TENM4: variants seen among roughly 807,000 people sequenced by gnomAD.
The protein encoded by TENM4 is teneurin-4.
TENM4 carries 82 observed loss-of-function variants against 243.3 expected under a neutral mutation model. That is an observed-to-expected ratio of 0.34 (90% confidence interval 0.28 to 0.40). TENM4 has a LOEUF of 0.40. Among genes scored for constraint, TENM4 ranks in the 10% least tolerant of loss-of-function variants. The probability of loss-of-function intolerance (pLI) is 1.00; values close to 1 mark genes in which losing one functional copy is unlikely to be tolerated. For synonymous variants in TENM4, 1,412 were observed against 1,456.3 expected (o/e 0.97, Z 0.69); for missense variants, 3,138 against 3,673.3 (o/e 0.85, Z 3.77).
Position 79,159,163 on chromosome 11 carries a change from A to G in TENM4, c.-162-10357T>C, listed in dbSNP as rs114558213. The stretch of plus-strand genomic sequence containing the variant: ...AAGAGGGGGGCTCTACATGGCCCTC[A>G]TCTGTGATATGAGCAGGAAACGCAT... On this transcript the variant is annotated intron_variant, in intron 3 of 33. Transcript: ENST00000278550. 4.9e-3 allele frequency among the ~76,000 whole-genome samples: 743 copies of G among 152,264 alleles called. 3 individuals carry two copies. The highest frequency in any genetic ancestry group is 0.017 in the African/African-American group (718 of 41,550).
intron 2 of TENM4, among the ~76,000 whole-genome samples, chr11:79,272,130 A>ACCTCC (rs1395816965): frequency 1.8e-4 from 28 of 151,800 alleles, no homozygotes; most frequent in African/African-American, 6.3e-4. Flanking sequence ...TCCACCTCCC[A>ACCTCC]CATCCCACCT....
intron 6 of TENM4, among the ~76,000 whole-genome samples, chr11:78,923,369 T>C (rs1856487327): frequency 7.0e-6 from 1 of 141,984 alleles, no homozygotes; most frequent in Admixed American, 7.0e-5. Context: ...GTAACAACAG[T>C]GTGGTTTGGG....
At chr11:78,958,212 C>T (rs1857247833) in intron 6 of TENM4, among the ~76,000 whole-genome samples, 1 of 152,232 alleles carries the variant, frequency 6.6e-6, no homozygotes, top group Admixed American at 6.5e-5. Flanking sequence ...CACCCACTAC[C>T]TTACCTAGGC....
At chr11:79,288,057 A>G (rs1439182226) in intron 2 of TENM4, among the ~76,000 whole-genome samples, 3 of 152,270 alleles carry the variant, frequency 2.0e-5, no homozygotes, top group South Asian at 4.1e-4. Context: ...CCTCTCTACC[A>G]AATACCTCTT....
chr11:79,226,914 G>A (rs571432373), intron 2 of TENM4, among the ~76,000 whole-genome samples: 19 of 152,268 alleles, frequency 1.2e-4, no homozygotes, highest in African/African-American at 4.1e-4. Flanking sequence ...GTGGGAGTGC[G>A]CAGGCTGAAT....
intron 7 of TENM4, among the ~76,000 whole-genome samples, chr11:78,902,513 A>G (rs917760305): frequency 2.0e-5 from 3 of 152,190 alleles, no homozygotes; most frequent in African/African-American, 7.2e-5. Flanking sequence ...CTGGACAGGG[A>G]GTCAGGCAAC....
At chr11:79,389,044 T>C (rs1858175137) in intron 1 of TENM4, among the ~76,000 whole-genome samples, 1 of 152,242 alleles carries the variant, frequency 6.6e-6, no homozygotes, top group Non-Finnish European at 1.5e-5. Flanking sequence ...TCTTGGCCTC[T>C]GTCCTGTAGG....
At chr11:78,717,974 C>T (rs754932172) in intron 25 of TENM4, among the ~76,000 whole-genome samples, 2 of 152,122 alleles carry the variant, frequency 1.3e-5, no homozygotes, top group African/African-American at 4.8e-5. Flanking sequence ...TGAGCATGCC[C>T]GACACAGCAG....
chr11:79,031,499 G>A (rs1006679968), intron 6 of TENM4, among the ~76,000 whole-genome samples: 2 of 152,170 alleles, frequency 1.3e-5, no homozygotes, highest in Non-Finnish European at 2.9e-5. Flanking sequence ...GATCAGAGAA[G>A]GAGAAGGGCA....
chr11:79,302,357 G>C (rs1201645591), intron 1 of TENM4, among the ~76,000 whole-genome samples: 1 of 152,140 alleles, frequency 6.6e-6, no homozygotes, highest in Non-Finnish European at 1.5e-5. Flanking sequence ...AAGTACACTA[G>C]GGTGAAAGTA....
At chr11:79,284,987 C>T (rs927899541) in intron 2 of TENM4, among the ~76,000 whole-genome samples, 1 of 152,070 alleles carries the variant, frequency 6.6e-6, no homozygotes, top group Admixed American at 6.6e-5. Context: ...CCTGTAATCC[C>T]AGCATACTTT....
intron 29 of TENM4, among the ~76,000 whole-genome samples, chr11:78,685,475 G>T (rs1858642696): frequency 6.6e-6 from 1 of 152,204 alleles, no homozygotes; most frequent in African/African-American, 2.4e-5. Context: ...TGGATTCCAA[G>T]AAGTGATTTT....
chr11:79,232,083 G>GA (rs917863195), intron 2 of TENM4, among the ~76,000 whole-genome samples: 2 of 151,634 alleles, frequency 1.3e-5, no homozygotes, highest in Non-Finnish European at 2.9e-5. Flanking sequence ...GTCTGGAAAA[G>GA]AAAAAAGAAA....
chr11:78,880,701 G>A (rs543341315), intron 9 of TENM4, among the ~76,000 whole-genome samples: 1 of 152,184 alleles, frequency 6.6e-6, no homozygotes, highest in Admixed American at 6.5e-5. Flanking sequence ...TGTTTCTGTT[G>A]TTTGCCCCAG....
At chr11:78,821,839 G>A (rs1857740748) in intron 12 of TENM4, among the ~76,000 whole-genome samples, 1 of 152,158 alleles carries the variant, frequency 6.6e-6, no homozygotes, top group Admixed American at 6.5e-5. Flanking sequence ...AAACAGACTT[G>A]GTTCAAAAGA....
Position 79,031,597 on chromosome 11 carries a change from T to C in TENM4, c.493+33141A>G, listed in dbSNP as rs1859238700. Among the ~76,000 whole-genome samples the C allele has an allele frequency of 2.0e-5, 3 of 152,148 alleles. No homozygotes were observed. The South Asian group carries it at 6.2e-4, about 32-fold the overall frequency. ...CAACAGGCATGCAGCAGAAGTTTGC[T>C]TAATTAGTGAATGAGTACAGAATTG... On this transcript the variant is annotated intron_variant, in intron 6 of 33. Transcript: ENST00000278550.
intron 18 of TENM4, among the ~76,000 whole-genome samples, chr11:78,766,261 C>T (rs545083265): frequency 3.3e-5 from 5 of 152,164 alleles, no homozygotes; most frequent in Non-Finnish European, 7.3e-5. Flanking sequence ...CAATATATAA[C>T]CTGTGATCCT....
intron 1 of TENM4, among the ~76,000 whole-genome samples, chr11:79,429,044 G>A (rs945595563): frequency 2.6e-5 from 4 of 152,124 alleles, no homozygotes; most frequent in Non-Finnish European, 5.9e-5. Context: ...CTAATGCACC[G>A]CCAGGGTCAA....
Position 78,876,838 on chromosome 11 carries a change from C to T in TENM4, c.1084+12947G>A, listed in dbSNP as rs568012271. ...TGGGGAAGCTCCTTCTGCTTAATCA[C>T]CTGAAATCCCTGCATCCAGGGATGG... On this transcript the variant is annotated intron_variant, in intron 9 of 33. Coordinates refer to ENST00000278550, the MANE Select transcript of TENM4 (RefSeq NM_001098816.3). 3.3e-5 allele frequency among the ~76,000 whole-genome samples: 5 copies of T among 152,312 alleles called. No individual in the cohort carries two copies. In the South Asian group the frequency reaches 6.2e-4, roughly 19 times the overall value.
Sources: allele counts gnomAD v4.1 joint callset (sites outside exome capture counted in the v4.1 genomes callset), GRCh38; gene constraint gnomAD v4.1.1; transcripts MANE v1.5; gene names NCBI Gene and HGNC (gene_info 2026-07-23, HGNC 2026-07-21).